SEC24A: variants seen among roughly 807,000 people sequenced by gnomAD.
The protein encoded by SEC24A is SEC24 homolog A, COPII component.
SEC24A carries 93 observed loss-of-function variants against 129.4 expected under a neutral mutation model. The ratio of observed to expected loss-of-function variants is 0.72; its 90% CI spans 0.61 to 0.85. The LOEUF (loss-of-function observed/expected upper bound fraction) is 0.85. SEC24A is among the 40% of genes least tolerant of loss of function. The pLI, the probability that SEC24A is intolerant of heterozygous loss-of-function variation, is 0.00. For missense variants in SEC24A, 1,264 were observed against 1,307.4 expected, an observed-to-expected ratio of 0.97 and a Z score of 0.51; for synonymous variants, 460 against 467.3, an observed-to-expected ratio of 0.98 and a Z score of 0.20.
chr5:134,705,081 TATATATA>T (rs1752114480), intron 16 of SEC24A, among the ~76,000 whole-genome samples: 2 of 131,182 alleles, frequency 1.5e-5, no homozygotes, highest in African/African-American at 5.8e-5. Context: ...TATATATATA[TATATATA>T]TATTTTTTTT....
chr5:134,708,651 A>T (rs1698657289), intron 17 of SEC24A, 62 bp from the exon 18 acceptor site: 1 of 1,435,080 alleles, frequency 7.0e-7, no homozygotes, highest in African/African-American at 1.4e-5. Flanking sequence ...TTCTATCCTT[A>T]ACAGTGGACT....
chr5:134,675,168 C>A lies in SEC24A; in HGVS notation c.1102C>A (p.Pro368Thr), dbSNP rs1751016231. 1 of 1,613,208 alleles carries A rather than the reference C, an allele frequency of 6.2e-7. No individual in the cohort carries two copies. The highest frequency in any genetic ancestry group is 1.3e-5 in the African/African-American group (1 of 74,940). Residue 368 changes from proline to threonine, a missense_variant, in exon 6 of 23, where the codon CCA becomes ACA. Physicochemically the swap from Pro to Thr is conservative, Grantham distance 38. Coordinates refer to ENST00000398844, the MANE Select transcript of SEC24A (RefSeq NM_021982.3). ...GCTTCCGTCAACACCTTTGAAGCCT[C>A]CAGTTCCAAATTTGCATGAAGACAT... is the stretch of plus-strand genomic sequence containing the variant. ...NMLPSTPLKPPVPNLHEDIQK... is the reference protein window; with the variant it reads ...NMLPSTPLKPTVPNLHEDIQK...
chr5:134,688,667 TTTTATTTA>T (rs149900252), intron 11 of SEC24A, among the ~76,000 whole-genome samples: 48 of 150,974 alleles, frequency 3.2e-4, no homozygotes, highest in African/African-American at 6.1e-4. Flanking sequence ...AGTCAATTGA[TTTTATTTA>T]TTTATTTATT....
rs1036479138 is a variant in SEC24A, at chr5:134,694,885, A to T, written c.1986+952A>T. ...TGGTACATTGATGGCCAAGGTGCTT[A>T]TGTGCACCTTGTGTGCATAAACTTT... On this transcript the variant is annotated intron_variant, in intron 13 of 22. Transcript: ENST00000398844. Among the ~76,000 whole-genome samples the T allele has an allele frequency of 3.9e-5, 6 of 151,934 alleles. No individual in the cohort carries two copies. In the South Asian group the frequency reaches 1.0e-3, roughly 26 times the overall value.
In SEC24A at chr5:134,703,857, A is replaced by T. The variant is rs1364647435; in HGVS notation, c.2365A>T (p.Met789Leu). Residue 789 changes from methionine (M) to leucine (L), a missense_variant, in exon 16 of 23, where the codon ATG becomes TTG. Transcript: ENST00000398844. ...VNPDAGYAVQ[M>L]SVEESLTDTQ... ...CCCAGACGCTGGGTATGCAGTACAG[A>T]TGTCAGTGGAAGAGAGTCTTACTGA... 4 of 1,612,406 alleles carry T rather than the reference A, an allele frequency of 2.5e-6. No individual in the cohort carries two copies. Among genetic ancestry groups the T allele is most frequent in the Non-Finnish European group, 2.5e-6 (3 of 1,178,660 alleles).
rs550792336 is a variant in SEC24A at position 134,726,526 on chromosome 5, G to C, written c.*1432G>C. On this transcript the variant is annotated 3_prime_UTR_variant, in exon 23 of 23. Transcript: ENST00000398844. ...ACTTTAACTGAGTTGTTTGGGATAGGGAAGAAGCAGTCCCTCTACAGTATA... is the reference window on the plus strand; with the variant it reads ...ACTTTAACTGAGTTGTTTGGGATAGCGAAGAAGCAGTCCCTCTACAGTATA... The C allele has an allele frequency of 2.7e-4, 41 of 152,590 alleles. No individual in the cohort carries two copies. Among genetic ancestry groups the C allele is most frequent in the Non-Finnish European group, 4.9e-4 (33 of 67,968 alleles). The allele number at this position is 152,590 out of a possible 1,614,324, so 9.5% of individuals were successfully genotyped here. A position where few individuals can be genotyped will look rare whatever the true frequency, so the allele number is the denominator to read the frequency against.
rs1752736581 is a variant in SEC24A, at chr5:134,725,439, T to C, written c.*345T>C. On this transcript the variant is annotated 3_prime_UTR_variant, in exon 23 of 23. Transcript: ENST00000398844. ...CTGTGTTCTACATGTATATTTCTCA[T>C]TTTTAATTTTTCTGAATCTTTGGCT... 6.2e-6 allele frequency: 1 copy of C among 160,468 alleles called. No individual in the cohort carries two copies. The highest frequency in any genetic ancestry group is 1.4e-5 in the Non-Finnish European group (1 of 73,608). The allele number at this position is 160,468 out of a possible 1,614,324, so 9.9% of individuals were successfully genotyped here. A position where few individuals can be genotyped will look rare whatever the true frequency, so the allele number is the denominator to read the frequency against.
chr5:134,660,992 C>G (rs1382151328), intron 1 of SEC24A, 127 bp from the exon 2 acceptor site: 5 of 720,524 alleles, frequency 6.9e-6, no homozygotes, highest in Non-Finnish European at 1.2e-5. Context: ...CTATTTAAGT[C>G]CTTTGCTTAT....
rs1752134176 is a variant in SEC24A at position 134,705,451 on chromosome 5, T to A, written c.2551+14T>A. The A allele has an allele frequency of 1.3e-6, 2 of 1,506,376 alleles. No individual in the cohort carries two copies. The highest frequency in any genetic ancestry group is 1.8e-6 in the Non-Finnish European group (2 of 1,084,656). 93.3% of individuals were successfully genotyped at this position (1,506,376 alleles called of 1,614,324 possible). On this transcript the variant is annotated intron_variant, in intron 17 of 22. Transcript: ENST00000398844. ...TGGCCAATATGGGTAAGAGTTGTTATCTGTTATAAATATCTTACAAGTAAT... is the reference window on the plus strand; with the variant it reads ...TGGCCAATATGGGTAAGAGTTGTTAACTGTTATAAATATCTTACAAGTAAT...
At chr5:134,671,942 T>A in intron 4 of SEC24A, 56 bp downstream of exon 4, 1 of 1,047,966 alleles carries the variant, frequency 9.5e-7, no homozygotes, top group Non-Finnish European at 1.5e-6. Flanking sequence ...ATAGAAATAA[T>A]ATGTGGTAAT....
intron 2 of SEC24A, among the ~76,000 whole-genome samples, chr5:134,663,995 C>G (rs1231560588): frequency 1.3e-5 from 2 of 152,070 alleles, no homozygotes; most frequent in Non-Finnish European, 2.9e-5. Flanking sequence ...CCTGTAATCC[C>G]AGCTACTCAG....
intron 13 of SEC24A, 95 bp downstream of exon 13, chr5:134,694,028 G>A: frequency 1.0e-6 from 1 of 1,002,684 alleles, no homozygotes; most frequent in Admixed American, 2.5e-5. Flanking sequence ...TTTGTCAATT[G>A]TTGGGAGGAG....
chr5:134,706,977 C>T (rs1216323079), intron 17 of SEC24A, among the ~76,000 whole-genome samples: 1 of 152,134 alleles, frequency 6.6e-6, no homozygotes, highest in Non-Finnish European at 1.5e-5. Context: ...GCATGAGCCA[C>T]CACGCCTGGC....
intron 1 of SEC24A, among the ~76,000 whole-genome samples, chr5:134,655,873 A>G (rs935060369): frequency 6.6e-6 from 1 of 151,936 alleles, no homozygotes; most frequent in Non-Finnish European, 1.5e-5. Flanking sequence ...ATTTCTCAAC[A>G]GCAGTATTCT....
At chr5:134,660,446 T>C (rs1016892859) in intron 1 of SEC24A, among the ~76,000 whole-genome samples, 3 of 152,102 alleles carry the variant, frequency 2.0e-5, no homozygotes, top group East Asian at 1.9e-4. Context: ...TGTGGCAACA[T>C]TGGGCTGTGA....
Position 134,666,915 on chromosome 5 carries a change from C to A in SEC24A, c.658C>A (p.Pro220Thr), listed in dbSNP as rs1050095391. 4 of 1,611,384 alleles carry A rather than the reference C, an allele frequency of 2.5e-6. No individual in the cohort carries two copies. Among genetic ancestry groups the A allele is most frequent in the Non-Finnish European group, 3.4e-6 (4 of 1,177,524 alleles). The change falls in exon 3 of 23, where the codon CCA (proline) becomes ACA (threonine). Residue 220 changes from proline (P) to threonine (T), a missense_variant. Transcript: ENST00000398844. ...HGPPPAGGPP[P>T]VRALTPLTSS... ...GCCCCCTCCAGCTGGAGGCCCACCC[C>A]CAGTGAGGGCCCTCACGCCCCTGAC...
intron 17 of SEC24A, 96 bp downstream of exon 17, chr5:134,705,533 T>C: frequency 1.4e-6 from 1 of 736,850 alleles, no homozygotes; most frequent in Non-Finnish European, 2.3e-6. Flanking sequence ...CTTTATAGTT[T>C]GAATGTTTTA....
intron 2 of SEC24A, among the ~76,000 whole-genome samples, chr5:134,661,970 C>T (rs1750480261): frequency 6.6e-6 from 1 of 151,214 alleles, no homozygotes; most frequent in East Asian, 1.9e-4. Context: ...TATGGGATTA[C>T]AGGCACGTGC....
chr5:134,676,580 A>G (rs961755266), intron 7 of SEC24A, among the ~76,000 whole-genome samples: 1 of 151,442 alleles, frequency 6.6e-6, no homozygotes, highest in Non-Finnish European at 1.5e-5. Flanking sequence ...AGTAGCTGGC[A>G]TTATAGGCAT....
Sources: allele counts gnomAD v4.1 joint callset (sites outside exome capture counted in the v4.1 genomes callset), GRCh38; gene constraint gnomAD v4.1.1; transcripts MANE v1.5; gene names NCBI Gene and HGNC (gene_info 2026-07-23, HGNC 2026-07-21).